Variants in ADGRB3 observed in about 807,000 individuals in gnomAD.
ADGRB3 encodes the protein brain-specific angiogenesis inhibitor 3.
ADGRB3 carries 37 observed loss-of-function variants against 193.4 expected under a neutral mutation model. The ratio of observed to expected loss-of-function variants is 0.19; its 90% confidence interval spans 0.15 to 0.25. The LOEUF is 0.25. ADGRB3 is among the 10% of genes least tolerant of loss of function. ADGRB3 has a pLI of 1.00. For missense variants in ADGRB3, 1,637 were observed against 1,852.9 expected, an observed-to-expected ratio of 0.88 and a Z score of 2.14; for synonymous variants, 690 against 644.2, an observed-to-expected ratio of 1.07 and a Z score of -1.08.
intron 26 of ADGRB3, among the ~76,000 whole-genome samples, chr6:69,346,472 A>G (rs1473419623): frequency 6.6e-6 from 1 of 152,230 alleles, no homozygotes; most frequent in Non-Finnish European, 1.5e-5. Context: ...CAGAGGGCTA[A>G]TATCCAGAAT....
At chr6:68,723,888 T>C (rs982155732) in intron 3 of ADGRB3, among the ~76,000 whole-genome samples, 1 of 151,608 alleles carries the variant, frequency 6.6e-6, no homozygotes, top group African/African-American at 2.4e-5. Context: ...AGTGTCAGTA[T>C]CTAAGAGGTT....
chr6:68,917,590 G>A (rs1279816881), intron 3 of ADGRB3, among the ~76,000 whole-genome samples: 1 of 152,164 alleles, frequency 6.6e-6, no homozygotes, highest in East Asian at 1.9e-4. Flanking sequence ...CAATATTGAA[G>A]TTTGATTGTT....
intron 26 of ADGRB3, among the ~76,000 whole-genome samples, chr6:69,340,516 G>T (rs79613442): frequency 6.6e-6 from 1 of 152,078 alleles, no homozygotes; most frequent in Non-Finnish European, 1.5e-5. Context: ...ACACATGTAC[G>T]TATGAGTATA....
At chr6:69,053,654 A>T (rs1771462721) in intron 15 of ADGRB3, among the ~76,000 whole-genome samples, 1 of 152,182 alleles carries the variant, frequency 6.6e-6, no homozygotes, top group African/African-American at 2.4e-5. Flanking sequence ...GTCCTTTGAG[A>T]GAGTGAGATA....
At chr6:69,388,146 CA>C (rs1332746425) in intron 31 of ADGRB3, among the ~76,000 whole-genome samples, 3 of 152,014 alleles carry the variant, frequency 2.0e-5, no homozygotes, top group Non-Finnish European at 4.4e-5. Context: ...TATTCTACAA[CA>C]AAAAACTCAT....
chr6:69,333,127 G>T, intron 24 of ADGRB3, 119 bp downstream of exon 24: 1 of 1,094,932 alleles, frequency 9.1e-7, no homozygotes, highest in Non-Finnish European at 1.3e-6. Context: ...GTACTAGTGT[G>T]TCCAGTAGAT....
At chr6:69,350,471 T>A (rs1279398077) in intron 26 of ADGRB3, among the ~76,000 whole-genome samples, 1 of 152,154 alleles carries the variant, frequency 6.6e-6, no homozygotes, top group Non-Finnish European at 1.5e-5. Context: ...ATTTGAAGTC[T>A]AGATTTTAAC....
At chr6:69,155,446 A>T (rs180710858) in intron 17 of ADGRB3, among the ~76,000 whole-genome samples, 1 of 152,350 alleles carries the variant, frequency 6.6e-6, no homozygotes, top group African/African-American at 2.4e-5. Context: ...AAAATACAAA[A>T]TTCAACATTA....
At chr6:69,325,415 G>A (rs1768546186) in intron 21 of ADGRB3, among the ~76,000 whole-genome samples, 1 of 152,002 alleles carries the variant, frequency 6.6e-6, no homozygotes. Flanking sequence ...TTCATTTCAA[G>A]AAATCTCAAA....
chr6:69,342,138 T>A (rs999007936), intron 26 of ADGRB3, among the ~76,000 whole-genome samples: 1 of 152,174 alleles, frequency 6.6e-6, no homozygotes, highest in East Asian at 1.9e-4. Context: ...TTACAAGTAA[T>A]TAAATCAATC....
At chr6:69,122,745 A>G (rs537021740) in intron 17 of ADGRB3, among the ~76,000 whole-genome samples, 2 of 152,140 alleles carry the variant, frequency 1.3e-5, no homozygotes, top group East Asian at 3.9e-4. Context: ...TTTTTCAGCA[A>G]AAATATATAT....
intron 3 of ADGRB3, among the ~76,000 whole-genome samples, chr6:68,825,578 T>C (rs544930694): frequency 2.2e-4 from 34 of 152,318 alleles, no homozygotes; most frequent in African/African-American, 7.9e-4. Flanking sequence ...CCAGATCTCA[T>C]ATTGAATTGT....
intron 3 of ADGRB3, among the ~76,000 whole-genome samples, chr6:68,747,678 T>A (rs1196621374): frequency 2.0e-5 from 3 of 152,192 alleles, no homozygotes; most frequent in African/African-American, 7.2e-5. Context: ...AAGTGTGAAA[T>A]GGAAGAATCT....
intron 20 of ADGRB3, among the ~76,000 whole-genome samples, chr6:69,296,951 A>G (rs1306847186): frequency 6.6e-6 from 1 of 152,106 alleles, no homozygotes; most frequent in South Asian, 2.1e-4. Context: ...GTAAAAGTGT[A>G]TGTCAACAGA....
chr6:68,965,587 A>C (rs1413958985), intron 8 of ADGRB3, among the ~76,000 whole-genome samples: 1 of 152,170 alleles, frequency 6.6e-6, no homozygotes, highest in African/African-American at 2.4e-5. Context: ...TCTTTTTAAG[A>C]GACAGAAAAT....
At chr6:69,157,669 A>AT (rs1285099948) in intron 17 of ADGRB3, among the ~76,000 whole-genome samples, 5 of 150,874 alleles carry the variant, frequency 3.3e-5, no homozygotes, top group African/African-American at 7.3e-5. Context: ...ATTTAATTGC[A>AT]TTTTTTGCCA....
intron 17 of ADGRB3, among the ~76,000 whole-genome samples, chr6:69,115,731 C>A (rs1773513378): frequency 6.6e-6 from 1 of 152,180 alleles, no homozygotes; most frequent in Non-Finnish European, 1.5e-5. Flanking sequence ...TCAAAGAATG[C>A]AGTTAGCTGA....
At chr6:69,057,441 G>A (rs149181049) in intron 15 of ADGRB3, among the ~76,000 whole-genome samples, 87 of 152,054 alleles carry the variant, frequency 5.7e-4, no homozygotes, top group African/African-American at 2.0e-3. Context: ...CTAGTACTAT[G>A]TTGAATAAAA....
chr6:69,202,524 C>T (rs934409475), intron 17 of ADGRB3, among the ~76,000 whole-genome samples: 2 of 152,024 alleles, frequency 1.3e-5, no homozygotes, highest in African/African-American at 2.4e-5. Flanking sequence ...GTCCTATAAA[C>T]CACAACTTGC....
Sources: allele counts gnomAD v4.1 joint callset (sites outside exome capture counted in the v4.1 genomes callset), GRCh38; gene constraint gnomAD v4.1.1; transcripts MANE v1.5; gene names NCBI Gene and HGNC (gene_info 2026-07-23, HGNC 2026-07-21).